Variants in GPHN observed in about 807,000 individuals in gnomAD.
GPHN encodes gephyrin.
A neutral mutation model predicts 95.5 loss-of-function variants in GPHN; 17 were observed. The observed-to-expected ratio is 0.18, with a 90% CI of 0.12 to 0.27. The LOEUF (loss-of-function observed/expected upper bound fraction) is 0.27. Ranked by LOEUF, GPHN falls within the 10% of genes least tolerant of loss-of-function variation. The pLI is 1.00. For missense variants in GPHN, 660 were observed against 978.1 expected (o/e 0.67, Z 4.34); for synonymous variants, 320 against 322.5 (o/e 0.99, Z 0.08).
intron 2 of GPHN, among the ~76,000 whole-genome samples, chr14:66,730,153 A>G (rs987980873): frequency 3.3e-5 from 5 of 152,216 alleles, no homozygotes; most frequent in African/African-American, 9.7e-5. Flanking sequence ...GCAAGGAGCT[A>G]AGGTATTTTG....
chr14:66,550,020 A>G (rs1008439626), intron 1 of GPHN, among the ~76,000 whole-genome samples: 2 of 152,160 alleles, frequency 1.3e-5, no homozygotes, highest in Non-Finnish European at 2.9e-5. Context: ...GAGCTCAGAT[A>G]GAGATATACA....
chr14:67,715,433 A>C, the GPHN span, among the ~76,000 whole-genome samples: 1 of 152,216 alleles, frequency 6.6e-6, no homozygotes, highest in African/African-American at 2.4e-5. Context: ...CTGATGTTGG[A>C]TGCCTATGAC....
the GPHN span, among the ~76,000 whole-genome samples, chr14:67,664,338 C>G: frequency 6.6e-6 from 1 of 152,156 alleles, no homozygotes; most frequent in Admixed American, 6.5e-5. Context: ...TAAGTGGAAT[C>G]ATACAATATT....
chr14:67,350,485 TTTCTTA>T, the GPHN span: 1 of 722,300 alleles, frequency 1.4e-6, no homozygotes, highest in Non-Finnish European at 2.2e-6. Flanking sequence ...AAAAGAATTC[TTTCTTA>T]TTATTACTAT....
At chr14:67,312,814 A>C in the GPHN span, 1 of 932,310 alleles carries the variant, frequency 1.1e-6, no homozygotes, top group Non-Finnish European at 1.5e-6. Context: ...TTAATAAAGT[A>C]TTCCAGTTAC....
At chr14:67,327,843 A>G in the GPHN span, among the ~76,000 whole-genome samples, 1 of 152,210 alleles carries the variant, frequency 6.6e-6, no homozygotes, top group African/African-American at 2.4e-5. Context: ...GCTGCATAGT[A>G]TTCCATGGTG....
intron 3 of GPHN, among the ~76,000 whole-genome samples, chr14:66,819,602 C>G (rs547582677): frequency 6.6e-6 from 1 of 151,748 alleles, no homozygotes; most frequent in Non-Finnish European, 1.5e-5. Flanking sequence ...ATGCCTCCAG[C>G]TTTGTTTTTT....
intron 2 of GPHN, among the ~76,000 whole-genome samples, chr14:66,744,460 A>G (rs2058062026): frequency 6.6e-6 from 1 of 152,216 alleles, no homozygotes; most frequent in Admixed American, 6.5e-5. Flanking sequence ...GTATATGAGA[A>G]TGAGTTCTTT....
intron 8 of GPHN, among the ~76,000 whole-genome samples, chr14:66,953,417 C>T (rs2068256492): frequency 2.0e-5 from 3 of 151,922 alleles, no homozygotes; most frequent in African/African-American, 7.3e-5. Flanking sequence ...TGAAGATTTA[C>T]CTTTATGTTT....
At chr14:67,713,158 G>T in the GPHN span, among the ~76,000 whole-genome samples, 3 of 151,684 alleles carry the variant, frequency 2.0e-5, no homozygotes, top group Non-Finnish European at 4.4e-5. Flanking sequence ...GTTAACTTTA[G>T]CCAAGACAAA....
At chr14:67,115,332 C>A (rs2078616519) in intron 16 of GPHN, among the ~76,000 whole-genome samples, 1 of 152,024 alleles carries the variant, frequency 6.6e-6, no homozygotes, top group Non-Finnish European at 1.5e-5. Flanking sequence ...AAAAAATTAC[C>A]TATTTTCAGA....
At chr14:66,579,794 T>A (rs575739689) in intron 1 of GPHN, among the ~76,000 whole-genome samples, 1 of 151,890 alleles carries the variant, frequency 6.6e-6, no homozygotes, top group African/African-American at 2.4e-5. Context: ...AATAAACACA[T>A]CATCGACTTA....
At chr14:66,914,647 C>T (rs1008241164) in intron 5 of GPHN, among the ~76,000 whole-genome samples, 2 of 151,886 alleles carry the variant, frequency 1.3e-5, no homozygotes, top group South Asian at 2.1e-4. Context: ...CTATATTCTA[C>T]GAGGGATTAT....
chr14:67,281,480 T>C, the GPHN span, among the ~76,000 whole-genome samples: 8 of 152,166 alleles, frequency 5.3e-5, no homozygotes, highest in Non-Finnish European at 1.2e-4. Context: ...GATTGCTTCT[T>C]ACTAGCCTTC....
chr14:67,158,683 A>C (rs532424541), intron 18 of GPHN, among the ~76,000 whole-genome samples: 3 of 152,352 alleles, frequency 2.0e-5, no homozygotes, highest in East Asian at 1.9e-4. Context: ...TCTGTCTACA[A>C]CACCAGCTGC....
At chr14:66,744,813 T>C (rs993073570) in intron 2 of GPHN, among the ~76,000 whole-genome samples, 3 of 152,116 alleles carry the variant, frequency 2.0e-5, no homozygotes, top group African/African-American at 7.2e-5. Flanking sequence ...ACAGTAGATA[T>C]TTTAGTCACT....
At chr14:67,286,604 C>G in the GPHN span, among the ~76,000 whole-genome samples, 1 of 151,136 alleles carries the variant, frequency 6.6e-6, no homozygotes, top group East Asian at 2.0e-4. Flanking sequence ...GCCTATAATC[C>G]TAGCACTTTG....
At chr14:66,607,920 A>G (rs181563084) in intron 1 of GPHN, among the ~76,000 whole-genome samples, 128 of 151,672 alleles carry the variant, frequency 8.4e-4, no homozygotes, top group East Asian at 1.4e-3. Flanking sequence ...AAGTCTGTCA[A>G]TCTTTTTTAT....
intron 1 of GPHN, among the ~76,000 whole-genome samples, chr14:66,639,241 C>T (rs1045739373): frequency 4.0e-5 from 6 of 151,512 alleles, no homozygotes; most frequent in African/African-American, 1.2e-4. Context: ...TTGCAATTAT[C>T]GAACAAAGAA....
Sources: gnomAD v4.1 joint callset for allele counts (sites outside exome capture counted in the v4.1 genomes callset) on GRCh38, gnomAD v4.1.1 for gene constraint, MANE v1.5 for transcripts, NCBI Gene and HGNC (gene_info 2026-07-23, HGNC 2026-07-21) for gene names.